The following CCNY variants were observed in gnomAD, a reference collection of about 807,000 sequenced individuals.
The protein encoded by CCNY is cyclin Y.
Under a neutral mutation model 42.8 loss-of-function variants are expected in CCNY, and 19 were observed. The observed-to-expected ratio is 0.44, with a 90% CI of 0.31 to 0.65. The LOEUF is 0.65. Ranked by LOEUF, CCNY falls within the 30% of genes least tolerant of loss-of-function variation. CCNY has a pLI of 0.07. For missense variants in CCNY, 370 were observed against 437.3 expected (o/e 0.85, Z 1.37); for synonymous variants, 165 against 162.7 (o/e 1.01, Z -0.11).
intron 2 of CCNY, among the ~76,000 whole-genome samples, chr10:35,496,524 G>C (rs1840006516): frequency 6.6e-6 from 1 of 152,122 alleles, no homozygotes. Flanking sequence ...TGGAAGGTCG[G>C]TCTATTTTAG....
chr10:35,292,244 TC>T (rs529845419), intron 3 of CCNY, among the ~76,000 whole-genome samples: 180 of 152,376 alleles, frequency 1.2e-3, no homozygotes, highest in African/African-American at 4.2e-3. Context: ...CTTTATATAT[TC>T]TATATACAAG....
intron 1 of CCNY, among the ~76,000 whole-genome samples, chr10:35,420,624 C>A (rs1395822773): frequency 6.6e-6 from 1 of 152,192 alleles, no homozygotes; most frequent in African/African-American, 2.4e-5. Flanking sequence ...ATGACCAATT[C>A]ATGAGGAAGT....
chr10:35,306,197 G>C lies in CCNY; in HGVS notation c.-9+55571G>C, dbSNP rs150045823. On this transcript the variant is annotated intron_variant, in intron 3 of 11. Transcript: ENST00000374706. ...TTACAGGCACACGCCACTACACCTGGTTAATTTTTGGATTTTTAGTAGAGA... is the reference window on the plus strand; with the variant it reads ...TTACAGGCACACGCCACTACACCTGCTTAATTTTTGGATTTTTAGTAGAGA... 2.3e-3 allele frequency among the ~76,000 whole-genome samples: 347 copies of C among 152,222 alleles called. 1 individual carries two copies. The highest frequency in any genetic ancestry group is 7.9e-3 in the African/African-American group (327 of 41,532).
chr10:35,368,153 T>C (rs1425913424), intron 1 of CCNY, among the ~76,000 whole-genome samples: 1 of 152,238 alleles, frequency 6.6e-6, no homozygotes, highest in African/African-American at 2.4e-5. Flanking sequence ...AAATCAGCTT[T>C]GTAGTGGAAA....
chr10:35,454,305 A>G (rs1309640254), intron 1 of CCNY, among the ~76,000 whole-genome samples: 16 of 152,240 alleles, frequency 1.1e-4, no homozygotes, highest in Admixed American at 9.8e-4. Context: ...TTGTCCTGGA[A>G]GACGCAAAGG....
chr10:35,385,972 A>G (rs183022651), intron 1 of CCNY, among the ~76,000 whole-genome samples: 79 of 152,260 alleles, frequency 5.2e-4, no homozygotes, highest in Non-Finnish European at 1.0e-3. Context: ...AATGCGTCTC[A>G]TGTTTTAAGT....
chr10:35,490,376 A>G (rs774211182), intron 2 of CCNY, among the ~76,000 whole-genome samples: 3 of 152,200 alleles, frequency 2.0e-5, no homozygotes, highest in Non-Finnish European at 4.4e-5. Context: ...TGTGAGAAAA[A>G]GTCTGATTTT....
At chr10:35,424,905 A>G (rs1838233521) in intron 1 of CCNY, among the ~76,000 whole-genome samples, 1 of 152,146 alleles carries the variant, frequency 6.6e-6, no homozygotes, top group African/African-American at 2.4e-5. Context: ...CAGGTTGGGG[A>G]GTCTAAGTGA....
At chr10:35,437,671 A>C (rs972476983) in intron 1 of CCNY, among the ~76,000 whole-genome samples, 6 of 152,120 alleles carry the variant, frequency 3.9e-5, no homozygotes, top group South Asian at 2.1e-4. Context: ...CAAAAAAAAA[A>C]CCAAAAAACA....
chr10:35,528,377 A>G (rs1840695618), intron 5 of CCNY, among the ~76,000 whole-genome samples: 1 of 152,172 alleles, frequency 6.6e-6, no homozygotes, highest in Non-Finnish European at 1.5e-5. Flanking sequence ...GCAAATGTAA[A>G]TGAGCACAGG....
At chr10:35,364,038 T>G (rs1336770282) in intron 1 of CCNY, among the ~76,000 whole-genome samples, 1 of 152,250 alleles carries the variant, frequency 6.6e-6, no homozygotes. Flanking sequence ...ATGTTACTGT[T>G]GAGAATATAA....
At chr10:35,257,793 T>C (rs1202443745) in intron 3 of CCNY, among the ~76,000 whole-genome samples, 1 of 152,246 alleles carries the variant, frequency 6.6e-6, no homozygotes, top group Non-Finnish European at 1.5e-5. Flanking sequence ...AAGTTTGGGA[T>C]GTTTTCAGCC....
intron 3 of CCNY, among the ~76,000 whole-genome samples, chr10:35,506,638 A>G (rs936115140): frequency 6.6e-6 from 1 of 152,198 alleles, no homozygotes; most frequent in Non-Finnish European, 1.5e-5. Flanking sequence ...GTAATGGTCC[A>G]TTCAAATACA....
At chr10:35,349,019 C>G (rs1836369893) in intron 1 of CCNY, among the ~76,000 whole-genome samples, 1 of 151,836 alleles carries the variant, frequency 6.6e-6, no homozygotes, top group South Asian at 2.1e-4. Context: ...TGAATTTTTT[C>G]CAACCAAACC....
intron 3 of CCNY, among the ~76,000 whole-genome samples, chr10:35,316,868 C>A (rs149631061): frequency 1.3e-5 from 2 of 151,870 alleles, no homozygotes; most frequent in Non-Finnish European, 2.9e-5. Flanking sequence ...AGCGTGTAGA[C>A]CAAGTCTCGC....
intron 3 of CCNY, among the ~76,000 whole-genome samples, chr10:35,504,603 A>T (rs1291217163): frequency 6.6e-6 from 1 of 152,198 alleles, no homozygotes; most frequent in Non-Finnish European, 1.5e-5. Flanking sequence ...ATGTAATTAA[A>T]GTGAACAGGT....
chr10:35,256,534 C>T (rs1431626420), intron 3 of CCNY, among the ~76,000 whole-genome samples: 3 of 152,132 alleles, frequency 2.0e-5, no homozygotes, highest in East Asian at 1.9e-4. Flanking sequence ...GAGTTCAAGA[C>T]CAGCCTGGCC....
At chr10:35,344,324 T>C (rs1413096661) in intron 1 of CCNY, among the ~76,000 whole-genome samples, 1 of 152,216 alleles carries the variant, frequency 6.6e-6, no homozygotes, top group Non-Finnish European at 1.5e-5. Context: ...GATGAGGTTC[T>C]ACTTTTACTG....
chr10:35,437,617 A>G lies in CCNY; in HGVS notation c.155-45787A>G, dbSNP rs61242061. Among the ~76,000 whole-genome samples, 1,132 of 152,070 alleles carry G rather than the reference A, an allele frequency of 7.4e-3. 13 individuals carry two copies. Among genetic ancestry groups the G allele is most frequent in the African/African-American group, 0.026 (1,067 of 41,482 alleles). On this transcript the variant is annotated intron_variant, in intron 1 of 9. Coordinates refer to ENST00000374704, the MANE Select transcript of CCNY (RefSeq NM_145012.6). ...TACAGTGAGCCGAGATCACACCACT[A>G]CGCTCCAGCACTCTAGCCTGGGCGA...
Sources: gnomAD v4.1 joint callset for allele counts (sites outside exome capture counted in the v4.1 genomes callset) on GRCh38, gnomAD v4.1.1 for gene constraint, MANE v1.5 for transcripts, NCBI Gene and HGNC (gene_info 2026-07-23, HGNC 2026-07-21) for gene names.